The following CEP78 variants were observed in gnomAD, a reference collection of about 807,000 sequenced individuals.
CEP78 encodes the protein centrosomal protein 78.
In CEP78, 76 loss-of-function variants were observed where a neutral mutation model predicts 81.2. That is an observed-to-expected ratio of 0.94 (90% CI 0.78 to 1.13). CEP78 has a LOEUF of 1.13. CEP78 is among the 50% of genes most tolerant of loss of function. CEP78 has a pLI of 0.00. For synonymous variants in CEP78, 293 were observed against 301.4 expected, an observed-to-expected ratio of 0.97 and a Z score of 0.29; for missense variants, 918 against 846.8, an observed-to-expected ratio of 1.08 and a Z score of -1.04.
intron 10 of CEP78, chr9:78,253,905 A>C (rs966448965): frequency 3.3e-5 from 5 of 152,240 alleles, no homozygotes; most frequent in African/African-American, 1.2e-4. Context: ...AGCCAAAAGT[A>C]GGGGCGTGCA....
At chr9:78,253,569 T>C (rs1587582680) in intron 10 of CEP78, 1 of 325,694 alleles carries the variant, frequency 3.1e-6, no homozygotes, top group Admixed American at 4.2e-5. Context: ...ACCCGACACA[T>C]GGAGCTATCA....
Position 78,266,461 on chromosome 9 carries a change from A to G in CEP78, c.1865A>G (p.Asp622Gly), listed in dbSNP as rs1368310970. 1 of 1,600,334 alleles carries G rather than the reference A, an allele frequency of 6.2e-7. No homozygotes were observed. The highest frequency in any genetic ancestry group is 1.7e-5 in the Admixed American group (1 of 58,518). The change falls in exon 16 of 17, where the codon GAT (aspartate) becomes GGT (glycine). Residue 622 changes from aspartate (D) to glycine (G), a missense_variant. Asp to Gly is a moderately conservative substitution (Grantham distance 94, BLOSUM62 -1). Coordinates refer to ENST00000643273, the MANE Select transcript of CEP78 (RefSeq NM_001330691.3). ...TTCTAGTTTCAGAAAATTACAGGTG[A>G]TGCTAGAATTCCTTTGCCTCTCGAC... is the stretch of plus-strand genomic sequence containing the variant. The part of the protein sequence containing the change: ...TLMKFQKITG[D>G]ARIPLPLDSF...
At chr9:78,245,448 G>T (rs1351507686) in intron 5 of CEP78, among the ~76,000 whole-genome samples, 4 of 152,004 alleles carry the variant, frequency 2.6e-5, no homozygotes, top group Non-Finnish European at 5.9e-5. Context: ...CCACTCTCAA[G>T]ACCTCAACTA....
At chr9:78,254,354 A>G (rs1340511514) in intron 10 of CEP78, 1 of 152,212 alleles carries the variant, frequency 6.6e-6, no homozygotes, top group African/African-American at 2.4e-5. Flanking sequence ...AGGCCATTCT[A>G]GTGTTTATTA....
At position 78,253,231 on chromosome 9, in the gene CEP78, G is replaced by A; in HGVS notation, c.1206-1G>A. ...AACTTAATTTATCGATATCTTTTTA[G>A]GGGTTTCCCATTAATCAAAACACGT... On this transcript the variant is annotated splice_acceptor_variant, in intron 9 of 16. Coordinates refer to ENST00000643273, the MANE Select transcript of CEP78 (RefSeq NM_001330691.3). LOFTEE classifies it high-confidence loss of function. 1 of 1,287,510 alleles carries A rather than the reference G, an allele frequency of 7.8e-7. No homozygotes were observed. The highest frequency in any genetic ancestry group is 1.1e-6 in the Non-Finnish European group (1 of 898,572). 79.8% of individuals were successfully genotyped at this position (1,287,510 alleles called of 1,614,324 possible). A position where few individuals can be genotyped will look rare whatever the true frequency, so the allele number is the denominator to read the frequency against.
At chr9:78,239,789 A>AG (rs1311614074) in intron 1 of CEP78, among the ~76,000 whole-genome samples, 24 of 152,120 alleles carry the variant, frequency 1.6e-4, no homozygotes, top group African/African-American at 5.3e-4. Context: ...TCATCTTTCT[A>AG]GATTCAGCTT....
At chr9:78,268,828 T>C (rs1337132646) in intron 16 of CEP78, among the ~76,000 whole-genome samples, 1 of 152,082 alleles carries the variant, frequency 6.6e-6, no homozygotes, top group African/African-American at 2.4e-5. Flanking sequence ...TGCTAATTTT[T>C]TGTATTTTTC....
chr9:78,256,720 A>G (rs992419458), intron 11 of CEP78, among the ~76,000 whole-genome samples: 10 of 152,020 alleles, frequency 6.6e-5, no homozygotes, highest in African/African-American at 9.7e-5. Flanking sequence ...TAAAACTCAC[A>G]ACTTGACAGG....
At position 78,272,611 on chromosome 9, in the gene CEP78, T is replaced by C. The variant is rs1394293639; in HGVS notation, c.*1760T>C. 6.6e-6 allele frequency: 1 copy of C among 152,156 alleles called. No individual in the cohort carries two copies. The highest frequency in any genetic ancestry group is 1.5e-5 in the Non-Finnish European group (1 of 68,028). The allele number at this position is 152,156 out of a possible 1,614,324, so 9.4% of individuals were successfully genotyped here. The stretch of plus-strand genomic sequence containing the variant: ...GGTAGTGTTTGATTCTAGGTATTGA[T>C]TGAAAAAATATATTAAAATATATAT... On this transcript the variant is annotated 3_prime_UTR_variant, in exon 17 of 17. Coordinates refer to ENST00000643273, the MANE Select transcript of CEP78 (RefSeq NM_001330691.3).
In CEP78 at chr9:78,251,915, T is replaced by C; in HGVS notation, c.1077T>C (p.Ala359=). 2.5e-6 allele frequency: 4 copies of C among 1,606,436 alleles called. No individual in the cohort carries two copies. Among genetic ancestry groups the C allele is most frequent in the Non-Finnish European group, 3.4e-6 (4 of 1,174,682 alleles). ...KGKATIRIGL[A]TKKPVSSGRK... ...TTAACACTTCTCAAGTAGGATTGGC[T>C]ACAAAGAAACCTGTAAGTAGTGGCA... The change falls in exon 9 of 17, where the codon GCT becomes GCC. Residue 359 remains alanine, a synonymous_variant. Coordinates refer to ENST00000643273, the MANE Select transcript of CEP78 (RefSeq NM_001330691.3).
intron 5 of CEP78, among the ~76,000 whole-genome samples, 197 bp from the exon 6 acceptor site, chr9:78,246,472 C>T (rs186580797): frequency 3.0e-4 from 46 of 152,246 alleles, no homozygotes; most frequent in Middle Eastern, 6.8e-3. Flanking sequence ...TGGTGGCGGG[C>T]GCCTGTAGTC....
Position 78,272,476 on chromosome 9 carries a change from T to A in CEP78, c.*1625T>A, listed in dbSNP as rs116786655. On this transcript the variant is annotated 3_prime_UTR_variant, in exon 17 of 17. Transcript: ENST00000643273. ...AGTCTAAATAAATACTAATGACATA[T>A]GAAAACAAAGTCCAACCAAAGTTCT... 6.6e-6 allele frequency: 1 copy of A among 152,144 alleles called. No homozygotes were observed. The highest frequency in any genetic ancestry group is 1.5e-5 in the Non-Finnish European group (1 of 68,030). 9.4% of individuals were successfully genotyped at this position (152,144 alleles called of 1,614,324 possible).
rs112100038 is a variant in CEP78, at chr9:78,272,687, G to A, written c.*1836G>A. Reference sequence around the variant, plus strand: ...TAGGTTAGGTGATGTTGCATTAACAGCTCCCAAATTTTAATTACTTTCAAC... The same window carrying A: ...TAGGTTAGGTGATGTTGCATTAACAACTCCCAAATTTTAATTACTTTCAAC... On this transcript the variant is annotated 3_prime_UTR_variant, in exon 17 of 17. Coordinates refer to ENST00000643273, the MANE Select transcript of CEP78 (RefSeq NM_001330691.3). 2 of 152,284 alleles carry A rather than the reference G, an allele frequency of 1.3e-5. No homozygotes were observed. Among genetic ancestry groups the A allele is most frequent in the African/African-American group, 4.8e-5 (2 of 41,564 alleles). The allele number at this position is 152,284 out of a possible 1,614,324, so 9.4% of individuals were successfully genotyped here. A position where few individuals can be genotyped will look rare whatever the true frequency, so the allele number is the denominator to read the frequency against.
chr9:78,249,990 G>A (rs1826677572), intron 8 of CEP78: 1 of 308,480 alleles, frequency 3.2e-6, no homozygotes, highest in African/African-American at 2.1e-5. Flanking sequence ...GATATCACTT[G>A]ACTTAATATC....
chr9:78,254,883 T>C lies in CEP78; in HGVS notation c.1299T>C (p.Ser433=), dbSNP rs780596381. The change falls in exon 11 of 17, where the codon TCT becomes TCC. Residue 433 remains serine (S), a synonymous_variant. Coordinates refer to ENST00000643273, the MANE Select transcript of CEP78 (RefSeq NM_001330691.3). ...VTVTVESPSS[S]EVEEVDDSSE... is the part of the protein sequence containing the mutation. Reference sequence around the variant, plus strand: ...TGACAGTAGAGAGTCCTTCATCCTCTGAAGTTGAAGAGGTTGATGATTCTT... The same window carrying C: ...TGACAGTAGAGAGTCCTTCATCCTCCGAAGTTGAAGAGGTTGATGATTCTT... 6.2e-7 allele frequency: 1 copy of C among 1,611,492 alleles called. No individual in the cohort carries two copies. The highest frequency in any genetic ancestry group is 8.5e-7 in the Non-Finnish European group (1 of 1,177,998).
chr9:78,250,359 G>T (rs574123478), intron 8 of CEP78: 1 of 397,470 alleles, frequency 2.5e-6, no homozygotes, highest in South Asian at 1.3e-4. Flanking sequence ...CATTCATATT[G>T]CAATTACGTG....
In CEP78 at chr9:78,236,217, C is replaced by T; in HGVS notation, c.-134C>T. The stretch of plus-strand genomic sequence containing the variant: ...CTTGCGTCTTCCGACCGAATCACCG[C>T]TCCTGAGCCCGGTGCGGGGCTGCCG... On this transcript the variant is annotated 5_prime_UTR_variant, in exon 1 of 17. Coordinates refer to ENST00000643273, the MANE Select transcript of CEP78 (RefSeq NM_001330691.3). 2.6e-6 allele frequency: 2 copies of T among 764,542 alleles called. No individual in the cohort carries two copies. The highest frequency in any genetic ancestry group is 2.0e-6 in the Non-Finnish European group (1 of 494,012). The allele number at this position is 764,542 out of a possible 1,614,324, so 47.4% of individuals were successfully genotyped here. A position where few individuals can be genotyped will look rare whatever the true frequency, so the allele number is the denominator to read the frequency against.
intron 16 of CEP78, among the ~76,000 whole-genome samples, chr9:78,269,072 T>G (rs904545059): frequency 6.6e-6 from 1 of 152,210 alleles, no homozygotes; most frequent in African/African-American, 2.4e-5. Flanking sequence ...TATAGAATCC[T>G]TTTTTAATAG....
At position 78,242,310 on chromosome 9, in the gene CEP78, A is replaced by G. The variant is rs191863130; in HGVS notation, c.603+511A>G. Among the ~76,000 whole-genome samples the G allele has an allele frequency of 1.4e-4, 21 of 152,324 alleles. No homozygotes were observed. The East Asian group carries it at 3.3e-3, about 24-fold the overall frequency. ...GAGTTGAGTAGTTGCAAAAGAAACT[A>G]TATGACCCACAAAGCTGAAAATGTT... On this transcript the variant is annotated intron_variant, in intron 4 of 16. Coordinates refer to ENST00000643273, the MANE Select transcript of CEP78 (RefSeq NM_001330691.3).
Sources: allele counts gnomAD v4.1 joint callset (sites outside exome capture counted in the v4.1 genomes callset), GRCh38; gene constraint gnomAD v4.1.1; transcripts MANE v1.5; gene names NCBI Gene and HGNC (gene_info 2026-07-23, HGNC 2026-07-21).